CCBE1: variants seen among roughly 807,000 people sequenced by gnomAD.
CCBE1 encodes the protein collagen and calcium binding EGF domains 1.
A neutral mutation model predicts 50.0 loss-of-function variants in CCBE1; 37 were observed. The observed-to-expected ratio is 0.74, with a 90% confidence interval of 0.57 to 0.97. The LOEUF (loss-of-function observed/expected upper bound fraction) is 0.97, where lower values mean the gene tolerates loss of function less well. Among genes scored for constraint, CCBE1 ranks in the 50% least tolerant of loss-of-function variants. CCBE1 has a pLI of 0.00. For synonymous variants in CCBE1, 234 were observed against 203.7 expected (o/e 1.15, Z -1.27); for missense variants, 538 against 523.8 (o/e 1.03, Z -0.26).
At chr18:59,647,078 C>G (rs1014480413) in intron 2 of CCBE1, among the ~76,000 whole-genome samples, 2 of 152,132 alleles carry the variant, frequency 1.3e-5, no homozygotes, top group Admixed American at 1.3e-4. Flanking sequence ...GTGACTAAAG[C>G]AAAAAGCTGA....
chr18:59,654,277 C>G (rs1451002452), intron 2 of CCBE1, among the ~76,000 whole-genome samples: 2 of 152,136 alleles, frequency 1.3e-5, no homozygotes, highest in Non-Finnish European at 2.9e-5. Context: ...CAAAAGCCTA[C>G]CCAGCACAGG....
intron 2 of CCBE1, among the ~76,000 whole-genome samples, chr18:59,654,791 CA>C (rs34690890): frequency 1.9e-3 from 177 of 94,310 alleles, no homozygotes; most frequent in African/African-American, 5.5e-3. Context: ...ACTCCGTCTC[CA>C]AAAAAAAAAA....
At chr18:59,557,595 AG>A (rs1246171353) in intron 2 of CCBE1, among the ~76,000 whole-genome samples, 3 of 152,136 alleles carry the variant, frequency 2.0e-5, no homozygotes, top group African/African-American at 7.2e-5. Context: ...ACGTTTGCAT[AG>A]GGTGTAGTAA....
chr18:59,457,469 C>T (rs1911250079), intron 5 of CCBE1, among the ~76,000 whole-genome samples: 1 of 152,196 alleles, frequency 6.6e-6, no homozygotes, highest in African/African-American at 2.4e-5. Context: ...CCTGGAATTA[C>T]AATTCCCACC....
intron 2 of CCBE1, among the ~76,000 whole-genome samples, chr18:59,599,879 A>G (rs560401788): frequency 1.3e-5 from 2 of 152,192 alleles, no homozygotes; most frequent in Non-Finnish European, 2.9e-5. Flanking sequence ...TATTAACAAA[A>G]TATTCCATGA....
intron 7 of CCBE1, among the ~76,000 whole-genome samples, chr18:59,441,981 G>GTCTTTCT (rs1343429611): frequency 1.3e-5 from 2 of 152,176 alleles, no homozygotes; most frequent in African/African-American, 4.8e-5. Context: ...GTTCATTCTT[G>GTCTTTCT]TCTTTCTTGC....
intron 2 of CCBE1, among the ~76,000 whole-genome samples, chr18:59,529,680 C>T (rs1460684516): frequency 6.6e-6 from 1 of 152,098 alleles, no homozygotes; most frequent in African/African-American, 2.4e-5. Context: ...GTCACACCAA[C>T]CACCTAGTCA....
chr18:59,469,923 G>T (rs1446853947), intron 3 of CCBE1, among the ~76,000 whole-genome samples: 1 of 152,170 alleles, frequency 6.6e-6, no homozygotes, highest in African/African-American at 2.4e-5. Flanking sequence ...GGGGTTGGGG[G>T]TGCTGTTTTG....
intron 2 of CCBE1, among the ~76,000 whole-genome samples, chr18:59,652,174 G>C (rs1223392984): frequency 6.6e-6 from 1 of 152,154 alleles, no homozygotes; most frequent in African/African-American, 2.4e-5. Context: ...TTTCATCCAA[G>C]TTACTGCAAA....
At chr18:59,689,791 T>TTTTTGTAATG in intron 2 of CCBE1, among the ~76,000 whole-genome samples, 1 of 152,170 alleles carries the variant, frequency 6.6e-6, no homozygotes. Context: ...TAACACCTCC[T>TTTTTGTAATG]CTTTGTAATG....
chr18:59,456,663 A>G (rs1192404919), intron 5 of CCBE1, among the ~76,000 whole-genome samples: 1 of 152,196 alleles, frequency 6.6e-6, no homozygotes, highest in East Asian at 1.9e-4. Flanking sequence ...GCATTTTGCT[A>G]TGGCAACCCT....
chr18:59,595,671 A>G (rs1413336205), intron 2 of CCBE1, among the ~76,000 whole-genome samples: 2 of 152,256 alleles, frequency 1.3e-5, no homozygotes, highest in Non-Finnish European at 2.9e-5. Flanking sequence ...AATAACTTTA[A>G]AAGGTAAACA....
chr18:59,666,490 G>GC (rs1472798329), intron 2 of CCBE1, among the ~76,000 whole-genome samples: 1 of 152,152 alleles, frequency 6.6e-6, no homozygotes, highest in Non-Finnish European at 1.5e-5. Flanking sequence ...GCATAAGCCA[G>GC]CAACTGCAAT....
rs1019577148 is a variant in CCBE1 at position 59,544,862 on chromosome 18, G to A, written c.213-64624C>T. 6.6e-5 allele frequency among the ~76,000 whole-genome samples: 10 copies of A among 152,190 alleles called. No individual in the cohort carries two copies. In the East Asian group the frequency reaches 1.5e-3, roughly 23 times the overall value. ...ATATTAGTGTTAGGGAATGCAATGA[G>A]TAGTTGATAACGAATTGGAACATTT... On this transcript the variant is annotated intron_variant, in intron 2 of 10. Coordinates refer to ENST00000439986, the MANE Select transcript of CCBE1 (RefSeq NM_133459.4).
intron 7 of CCBE1, among the ~76,000 whole-genome samples, chr18:59,446,478 G>A (rs7227130): frequency 0.32 from 48,357 of 151,892 alleles, 7,808 homozygotes; most frequent in Admixed American, 0.34. Context: ...ACCATGACCC[G>A]GAGTACCTCA....
At chr18:59,488,063 A>T (rs1296508975) in intron 2 of CCBE1, among the ~76,000 whole-genome samples, 1 of 152,254 alleles carries the variant, frequency 6.6e-6, no homozygotes, top group South Asian at 2.1e-4. Flanking sequence ...TGAAGACATT[A>T]TGCTAAGTGA....
chr18:59,668,909 C>T (rs1394988982), intron 2 of CCBE1, among the ~76,000 whole-genome samples: 1 of 146,738 alleles, frequency 6.8e-6, no homozygotes, highest in East Asian at 2.0e-4. Flanking sequence ...ACTGCAACCT[C>T]CACCTCCCAG....
intron 2 of CCBE1, among the ~76,000 whole-genome samples, chr18:59,657,888 C>A (rs202204166): frequency 2.1e-5 from 3 of 144,232 alleles, no homozygotes; most frequent in Non-Finnish European, 3.0e-5. Flanking sequence ...CAAACAACAA[C>A]AAACAACAAC....
chr18:59,683,249 A>T (rs1013795740), intron 2 of CCBE1, among the ~76,000 whole-genome samples: 1 of 152,232 alleles, frequency 6.6e-6, no homozygotes, highest in Non-Finnish European at 1.5e-5. Flanking sequence ...AGACAAACGC[A>T]GACATCACCT....
Sources: gnomAD v4.1 joint callset for allele counts (sites outside exome capture counted in the v4.1 genomes callset) on GRCh38, gnomAD v4.1.1 for gene constraint, MANE v1.5 for transcripts, NCBI Gene and HGNC (gene_info 2026-07-23, HGNC 2026-07-21) for gene names.